Variants in TACR2 observed in about 807,000 individuals in gnomAD.
The protein encoded by TACR2 is tachykinin receptor 2.
A neutral mutation model predicts 28.9 loss-of-function variants in TACR2; 24 were observed. The observed-to-expected ratio is 0.83, with a 90% CI of 0.60 to 1.17. The LOEUF (loss-of-function observed/expected upper bound fraction) is 1.17. Among genes scored for constraint, TACR2 ranks in the 50% most tolerant of loss-of-function variants. The pLI, the probability that TACR2 is intolerant of heterozygous loss-of-function variation, is 0.00. For missense variants in TACR2, 487 were observed against 524.4 expected (o/e 0.93, Z 0.70); for synonymous variants, 222 against 212.6 (o/e 1.04, Z -0.38).
In TACR2 at chr10:69,414,975, G is replaced by T. The variant is rs769929557; in HGVS notation, c.557C>A (p.Pro186His). The T allele has an allele frequency of 1.2e-6, 2 of 1,613,166 alleles. No individual in the cohort carries two copies. The highest frequency in any genetic ancestry group is 1.7e-6 in the Non-Finnish European group (2 of 1,179,636). ...GAGCGTCTTGCCCCCGCTGTCTTCGGGCCAGGCCACCACGCACTTGGTGGC... is the reference window on the plus strand; with the variant it reads ...GAGCGTCTTGCCCCCGCTGTCTTCGTGCCAGGCCACCACGCACTTGGTGGC... ...QGATKCVVAWPEDSGGKTLLL... is the reference protein window; with the variant it reads ...QGATKCVVAWHEDSGGKTLLL... The change falls in exon 2 of 5, where the codon CCC becomes CAC. Residue 186 changes from proline to histidine, a missense_variant. Physicochemically the swap from Pro to His is moderately conservative, Grantham distance 77. Coordinates refer to ENST00000373306, the MANE Select transcript of TACR2 (RefSeq NM_001057.3).
At position 69,409,285 on chromosome 10, in the gene TACR2, C is replaced by T. The variant is rs1170060860; in HGVS notation, c.588-210G>A. ...GGAGACGGCTTCCCTGCAAAAGGGACGCCAGCAGTAGCCCTGCGTCCTTCC... is the reference window on the plus strand; with the variant it reads ...GGAGACGGCTTCCCTGCAAAAGGGATGCCAGCAGTAGCCCTGCGTCCTTCC... On this transcript the variant is annotated intron_variant, in intron 2 of 4. Coordinates refer to ENST00000373306, the MANE Select transcript of TACR2 (RefSeq NM_001057.3). 4 of 422,406 alleles carry T rather than the reference C, an allele frequency of 9.5e-6. No homozygotes were observed. In the East Asian group the frequency reaches 1.5e-4, roughly 16 times the overall value. The allele number at this position is 422,406 out of a possible 1,614,324, so 26.2% of individuals were successfully genotyped here. A position where few individuals can be genotyped will look rare whatever the true frequency, so the allele number is the denominator to read the frequency against.
At chr10:69,408,492 G>A (rs1192902071) in intron 3 of TACR2, among the ~76,000 whole-genome samples, 1 of 151,452 alleles carries the variant, frequency 6.6e-6, no homozygotes, top group African/African-American at 2.4e-5. Flanking sequence ...TTTTTGTGGA[G>A]AACGGGGTCT....
At chr10:69,415,867 C>G in intron 1 of TACR2, 65 bp downstream of exon 1, 1 of 1,562,248 alleles carries the variant, frequency 6.4e-7, no homozygotes, top group South Asian at 1.2e-5. Flanking sequence ...AGGCATGTCA[C>G]CACCCTTATC....
chr10:69,407,304 A>T (rs1161844313), intron 3 of TACR2, 24 bp from the exon 4 acceptor site: 1 of 1,591,598 alleles, frequency 6.3e-7, no homozygotes, highest in Non-Finnish European at 8.5e-7. Context: ...GGCTCAAGTT[A>T]CTTCTTAGTG....
chr10:69,415,965 C>T lies in TACR2; in HGVS notation c.359G>A (p.Ser120Asn). 2 of 1,614,156 alleles carry T rather than the reference C, an allele frequency of 1.2e-6. No individual in the cohort carries two copies. The highest frequency in any genetic ancestry group is 1.7e-6 in the Non-Finnish European group (2 of 1,179,996). ...AGCAATGGCGGTCATGGAGTAGATGCTGACAAACATGGCTGTGATGGGGAA... is the reference window on the plus strand; with the variant it reads ...AGCAATGGCGGTCATGGAGTAGATGTTGACAAACATGGCTGTGATGGGGAA... The part of the protein sequence containing the change: ...NLFPITAMFV[S>N]IYSMTAIAAD... Residue 120 changes from serine (S) to asparagine (N), a missense_variant, in exon 1 of 5, where the codon AGC (serine) becomes AAC (asparagine). Coordinates refer to ENST00000373306, the MANE Select transcript of TACR2 (RefSeq NM_001057.3).
intron 2 of TACR2, among the ~76,000 whole-genome samples, chr10:69,413,358 G>A (rs531815407): frequency 7.2e-5 from 11 of 152,282 alleles, no homozygotes; most frequent in South Asian, 4.1e-4. Context: ...TTTCCCAGTC[G>A]CCTGAATCTG....
chr10:69,410,453 C>A (rs550555291), intron 2 of TACR2, among the ~76,000 whole-genome samples: 2 of 149,266 alleles, frequency 1.3e-5, no homozygotes, highest in Admixed American at 1.4e-4. Context: ...CCCAGGAGAT[C>A]GAGGCTGTAA....
rs757996266 is a variant in TACR2, at chr10:69,408,926, TTCA to T, written c.734_736del (p.Met245del). The T allele has an allele frequency of 4.4e-5, 63 of 1,447,038 alleles. No homozygotes were observed. The highest frequency in any genetic ancestry group is 5.6e-5 in the South Asian group (4 of 71,288). 89.6% of individuals were successfully genotyped at this position (1,447,038 alleles called of 1,614,324 possible). Reference sequence around the variant, plus strand: ...GGCCCCCGCCCCCGCGCCCACCTTCTTCATGGCCTGCAGGTGGCGCAGGTTGGC... The same window carrying T: ...GGCCCCCGCCCCCGCGCCCACCTTCTTGGCCTGCAGGTGGCGCAGGTTGGC... On this transcript the variant is annotated inframe_deletion, in exon 3 of 5. Transcript: ENST00000373306.
chr10:69,410,687 C>T (rs10740320), intron 2 of TACR2, among the ~76,000 whole-genome samples: 1 of 151,708 alleles, frequency 6.6e-6, no homozygotes, highest in African/African-American at 2.4e-5. Flanking sequence ...TGCCACTCCC[C>T]TGTGTTGACT....
rs766030859 is a variant in TACR2, at chr10:69,416,313, C to T, written c.11G>A (p.Cys4Tyr). The change falls in exon 1 of 5, where the codon TGT becomes TAT. Residue 4 changes from cysteine to tyrosine, a missense_variant. Cys to Tyr is a radical substitution (Grantham distance 194). Transcript: ENST00000373306. ...GATATTGGCTTCAGTCACAATGTCA[C>T]AGGTCCCCATGGCTGCTTCTGGGTC... MGT[C>Y]DIVTEANISS... The T allele has an allele frequency of 2.5e-6, 4 of 1,590,890 alleles. No individual in the cohort carries two copies. The South Asian group carries it at 3.4e-5, about 14-fold the overall frequency.
intron 3 of TACR2, among the ~76,000 whole-genome samples, chr10:69,408,466 C>CTT (rs570347863): frequency 6.7e-6 from 1 of 149,338 alleles, no homozygotes; most frequent in African/African-American, 2.5e-5. Context: ...TTTTTTTTGT[C>CTT]TTTTTTTTTT....
At chr10:69,409,733 G>GA (rs908629395) in intron 2 of TACR2, among the ~76,000 whole-genome samples, 13 of 151,220 alleles carry the variant, frequency 8.6e-5, no homozygotes, top group Non-Finnish European at 1.9e-4. Flanking sequence ...GTATGTTGAG[G>GA]AAAAAAACAG....
chr10:69,410,507 T>G (rs1840560380), intron 2 of TACR2, among the ~76,000 whole-genome samples: 2 of 135,952 alleles, frequency 1.5e-5, no homozygotes, highest in African/African-American at 2.8e-5. Context: ...GGCGATAGAG[T>G]GAGACCCTGT....
intron 2 of TACR2, among the ~76,000 whole-genome samples, chr10:69,409,458 A>G (rs895851714): frequency 1.3e-5 from 2 of 152,174 alleles, no homozygotes; most frequent in Non-Finnish European, 2.9e-5. Context: ...ATTAACATTA[A>G]CTATTAATAT....
intron 2 of TACR2, 51 bp downstream of exon 2, chr10:69,414,894 C>G (rs761904456): frequency 1.9e-6 from 3 of 1,552,238 alleles, no homozygotes; most frequent in African/African-American, 1.4e-5. Context: ...CACACACACA[C>G]AGACTCACAC....
In TACR2 at chr10:69,405,094, C is replaced by G. The variant is rs367722072; in HGVS notation, c.939-10G>C. 8 of 1,611,048 alleles carry G rather than the reference C, an allele frequency of 5.0e-6. No individual in the cohort carries two copies. In the South Asian group the frequency reaches 6.6e-5, roughly 13 times the overall value. On this transcript the variant is annotated splice_polypyrimidine_tract_variant and intron_variant, in intron 4 of 4. Coordinates refer to ENST00000373306, the MANE Select transcript of TACR2 (RefSeq NM_001057.3). ...GAATCCAGAGCGAAACCTGGGGGAGCGAGGGGCACCTTGAGCCAGGGAGTT... is the reference window on the plus strand; with the variant it reads ...GAATCCAGAGCGAAACCTGGGGGAGGGAGGGGCACCTTGAGCCAGGGAGTT...
rs1840483710 is a variant in TACR2 at position 69,404,493 on chromosome 10, A to G, written c.*333T>C. Reference sequence around the variant, plus strand: ...ACCTGAGACTAGGTAATTTATAAAGAAAAGAGGTTTATTTGGCTCATGATT... The same window carrying G: ...ACCTGAGACTAGGTAATTTATAAAGGAAAGAGGTTTATTTGGCTCATGATT... On this transcript the variant is annotated 3_prime_UTR_variant, in exon 5 of 5. Transcript: ENST00000373306. The G allele has an allele frequency of 5.2e-6, 1 of 190,522 alleles. No individual in the cohort carries two copies. 11.8% of individuals were successfully genotyped at this position (190,522 alleles called of 1,614,324 possible).
chr10:69,413,194 C>T (rs919321170), intron 2 of TACR2, among the ~76,000 whole-genome samples: 3 of 152,086 alleles, frequency 2.0e-5, no homozygotes, highest in Non-Finnish European at 2.9e-5. Flanking sequence ...GTTACATGAG[C>T]CTGTGTGGAT....
In TACR2 at chr10:69,415,094, G is replaced by A; in HGVS notation, c.438C>T (p.Pro146=). The change falls in exon 2 of 5, where the codon CCC becomes CCT. Residue 146 remains proline (P), a synonymous_variant. Transcript: ENST00000373306. The part of the protein sequence containing the change: ...VHPFQPRLSA[P]STKAVIAGIW... ...TGCCAGCAATAACCGCCTTGGTGCT[G>A]GGAGCTGAAAGCCGAGGCTGGAAGG... 1 of 1,613,152 alleles carries A rather than the reference G, an allele frequency of 6.2e-7. No homozygotes were observed. The highest frequency in any genetic ancestry group is 8.5e-7 in the Non-Finnish European group (1 of 1,180,000).
Sources: allele counts gnomAD v4.1 joint callset (sites outside exome capture counted in the v4.1 genomes callset), GRCh38; gene constraint gnomAD v4.1.1; transcripts MANE v1.5; gene names NCBI Gene and HGNC (gene_info 2026-07-23, HGNC 2026-07-21).